The following PRDX3 variants were observed in gnomAD, a reference collection of about 807,000 sequenced individuals.
The protein encoded by PRDX3 is thioredoxin-dependent peroxide reductase, mitochondrial.
In PRDX3, 20 loss-of-function variants were observed where a neutral mutation model predicts 30.4. The ratio of observed to expected loss-of-function variants is 0.66; its 90% confidence interval spans 0.46 to 0.96. The LOEUF is 0.96. PRDX3 is among the 40% of genes least tolerant of loss of function. The pLI is 0.00. For synonymous variants in PRDX3, 124 were observed against 117.8 expected (o/e 1.05, Z -0.34); for missense variants, 322 against 318.3 (o/e 1.01, Z -0.09).
intron 4 of PRDX3, among the ~76,000 whole-genome samples, chr10:119,172,826 T>A (rs1472023320): frequency 6.6e-6 from 1 of 152,220 alleles, no homozygotes; most frequent in Non-Finnish European, 1.5e-5. Flanking sequence ...AATGCAGTGA[T>A]GCAATCACAG....
At chr10:119,172,265 C>T in intron 5 of PRDX3, 117 bp downstream of exon 5, 1 of 873,920 alleles carries the variant, frequency 1.1e-6, no homozygotes, top group Non-Finnish European at 1.8e-6. Context: ...CCACCATGCC[C>T]AGCCAGGATC....
At chr10:119,176,170 G>A (rs1214402815) in intron 2 of PRDX3, among the ~76,000 whole-genome samples, 1 of 152,164 alleles carries the variant, frequency 6.6e-6, no homozygotes, top group African/African-American at 2.4e-5. Context: ...TGTCAAAACT[G>A]AAAAGGACTT....
At chr10:119,178,595 T>C (rs933545347) in intron 1 of PRDX3, among the ~76,000 whole-genome samples, 160 bp downstream of exon 1, 7 of 152,182 alleles carry the variant, frequency 4.6e-5, no homozygotes, top group African/African-American at 1.7e-4. Context: ...CGCAGGCGCA[T>C]GGAACCTTCC....
chr10:119,171,538 G>A (rs1415095465), intron 5 of PRDX3, among the ~76,000 whole-genome samples: 1 of 152,188 alleles, frequency 6.6e-6, no homozygotes, highest in African/African-American at 2.4e-5. Flanking sequence ...TGAATGTGGG[G>A]CTGCTGAGGA....
At position 119,175,756 on chromosome 10, in the gene PRDX3, GA is replaced by G. The variant is rs1483066495; in HGVS notation, c.170-1165del. Among the ~76,000 whole-genome samples, 9 of 147,502 alleles carry G rather than the reference GA, an allele frequency of 6.1e-5. No homozygotes were observed. In the East Asian group the frequency reaches 1.9e-3, roughly 30 times the overall value. ...GGGAAAGAGGAGCAGGAGGAAGGGG[GA>G]GACATGTTAGGAGGTGGTTTCAGTG... On this transcript the variant is annotated intron_variant, in intron 2 of 6. Transcript: ENST00000298510.
chr10:119,178,728 G>A (rs756035140), intron 1 of PRDX3, 27 bp downstream of exon 1: 70 of 1,550,744 alleles, frequency 4.5e-5, no homozygotes, highest in South Asian at 9.5e-5. Context: ...GTGTCTCCAC[G>A]CCTGTCCCCA....
In PRDX3 at chr10:119,168,408, T is replaced by A; in HGVS notation, c.*72A>T. Reference sequence around the variant, plus strand: ...CCTTGCCTTCTACAAATAACCATCTTGAAAATGATAAAAGCAGGTTTCAAC... The same window carrying A: ...CCTTGCCTTCTACAAATAACCATCTAGAAAATGATAAAAGCAGGTTTCAAC... On this transcript the variant is annotated 3_prime_UTR_variant, in exon 7 of 7. Coordinates refer to ENST00000298510, the MANE Select transcript of PRDX3 (RefSeq NM_006793.5). 1 of 1,603,984 alleles carries A rather than the reference T, an allele frequency of 6.2e-7. No individual in the cohort carries two copies. Among genetic ancestry groups the A allele is most frequent in the South Asian group, 1.1e-5 (1 of 89,536 alleles).
At chr10:119,178,494 T>G (rs1848097892) in intron 1 of PRDX3, among the ~76,000 whole-genome samples, 1 of 152,082 alleles carries the variant, frequency 6.6e-6, no homozygotes, top group African/African-American at 2.4e-5. Context: ...GCCAGGACCT[T>G]AAGTGGAGAT....
chr10:119,170,218 T>A (rs1847871914), intron 5 of PRDX3: 2 of 152,214 alleles, frequency 1.3e-5, no homozygotes, highest in Non-Finnish European at 2.9e-5. Flanking sequence ...CAGGTATCAA[T>A]CACTCATGGA....
Position 119,169,265 on chromosome 10 carries a change from T to G in PRDX3, c.629A>C (p.Glu210Ala). 1 of 1,613,974 alleles carries G rather than the reference T, an allele frequency of 6.2e-7. No homozygotes were observed. Among genetic ancestry groups the G allele is most frequent in the South Asian group, 1.1e-5 (1 of 91,070 alleles). The stretch of plus-strand genomic sequence containing the variant: ...CGCCTTCACCAAGCGGAGGGTTTCT[T>G]CCACGCTTCGGCCCACTGGGAGATC... ...VNDLPVGRSVEETLRLVKAFQ... is the reference protein window; with the variant it reads ...VNDLPVGRSVAETLRLVKAFQ... The change falls in exon 6 of 7, where the codon GAA (glutamate) becomes GCA (alanine). Residue 210 changes from glutamate to alanine, a missense_variant. Physicochemically the swap from Glu to Ala is moderately radical, Grantham distance 107. Coordinates refer to ENST00000298510, the MANE Select transcript of PRDX3 (RefSeq NM_006793.5).
In PRDX3 at chr10:119,168,388, C is replaced by A. The variant is rs1847816722; in HGVS notation, c.*92G>T. On this transcript the variant is annotated 3_prime_UTR_variant, in exon 7 of 7. Coordinates refer to ENST00000298510, the MANE Select transcript of PRDX3 (RefSeq NM_006793.5). Reference sequence around the variant, plus strand: ...GAATACAAGCATAATTGGTTCCTTGCCTTCTACAAATAACCATCTTGAAAA... The same window carrying A: ...GAATACAAGCATAATTGGTTCCTTGACTTCTACAAATAACCATCTTGAAAA... The A allele has an allele frequency of 1.3e-6, 2 of 1,586,938 alleles. No individual in the cohort carries two copies. Among genetic ancestry groups the A allele is most frequent in the Non-Finnish European group, 1.7e-6 (2 of 1,170,940 alleles).
rs112021391 is a variant in PRDX3 at position 119,177,713 on chromosome 10, A to AG, written c.37-561dup. ...TAAAGCAACACAGGGTTCAGAAGCCAGGGGACTTGTGCAGGCTTTTCCCAG... is the reference window on the plus strand; with the variant it reads ...TAAAGCAACACAGGGTTCAGAAGCCAGGGGGACTTGTGCAGGCTTTTCCCAG... On this transcript the variant is annotated intron_variant, in intron 1 of 6. Coordinates refer to ENST00000298510, the MANE Select transcript of PRDX3 (RefSeq NM_006793.5). 9.3e-3 allele frequency among the ~76,000 whole-genome samples: 1,378 copies of AG among 148,552 alleles called. 35 individuals carry two copies. Among genetic ancestry groups the AG allele is most frequent in the African/African-American group, 0.033 (1,317 of 39,790 alleles).
At chr10:119,176,026 C>T (rs1189588008) in intron 2 of PRDX3, among the ~76,000 whole-genome samples, 8 of 151,384 alleles carry the variant, frequency 5.3e-5, no homozygotes, top group South Asian at 2.1e-4. Flanking sequence ...TCAAGTAATT[C>T]GCCTGCCTTG....
In PRDX3 at chr10:119,176,647, A is replaced by G. The variant is rs371344693; in HGVS notation, c.169+374T>C. Among the ~76,000 whole-genome samples, 177 of 152,332 alleles carry G rather than the reference A, an allele frequency of 1.2e-3. 2 individuals carry two copies. The highest frequency in any genetic ancestry group is 4.1e-3 in the African/African-American group (169 of 41,568). On this transcript the variant is annotated intron_variant, in intron 2 of 6. Transcript: ENST00000298510. Reference sequence around the variant, plus strand: ...ATTACACAGGTTTGAATCTTAGAGCAGCTGCCCTCTCAGGTCCCCCACAGG... The same window carrying G: ...ATTACACAGGTTTGAATCTTAGAGCGGCTGCCCTCTCAGGTCCCCCACAGG...
Position 119,169,322 on chromosome 10 carries a change from G to T in PRDX3, c.572C>A (p.Pro191His), listed in dbSNP as rs1210557128. 1.2e-6 allele frequency: 2 copies of T among 1,613,858 alleles called. No homozygotes were observed. Among genetic ancestry groups the T allele is most frequent in the East Asian group, 4.5e-5 (2 of 44,874 alleles). Residue 191 changes from proline (P) to histidine (H), a missense_variant, in exon 6 of 7, where the codon CCC (proline) becomes CAC (histidine). Transcript: ENST00000298510. Reference sequence around the variant, plus strand: ...GCTCAAATGCTTGATGACTCCATTGGGGTCAATTATGAAGAGACCTCTGCA... The same window carrying T: ...GCTCAAATGCTTGATGACTCCATTGTGGTCAATTATGAAGAGACCTCTGCA... ...LALRGLFIID[P>H]NGVIKHLSVN...
chr10:119,178,738 A>T lies in PRDX3; in HGVS notation c.36+17T>A. The T allele has an allele frequency of 6.4e-7, 1 of 1,551,278 alleles. No individual in the cohort carries two copies. The highest frequency in any genetic ancestry group is 8.7e-7 in the Non-Finnish European group (1 of 1,147,262). ...CACCAGTGTCTCCACGCCTGTCCCC[A>T]GCCGACAGCCACTCACCGACGCTCG... On this transcript the variant is annotated intron_variant, in intron 1 of 6. Coordinates refer to ENST00000298510, the MANE Select transcript of PRDX3 (RefSeq NM_006793.5).
At chr10:119,175,338 G>T (rs1848001416) in intron 2 of PRDX3, among the ~76,000 whole-genome samples, 1 of 152,204 alleles carries the variant, frequency 6.6e-6, no homozygotes. Flanking sequence ...AGGCAGGAAT[G>T]GTTGAAGGCC....
At position 119,178,766 on chromosome 10, in the gene PRDX3, G is replaced by C. The variant is rs1369745595; in HGVS notation, c.25C>G (p.Leu9Val). The C allele has an allele frequency of 6.4e-7, 1 of 1,552,728 alleles. No individual in the cohort carries two copies. The highest frequency in any genetic ancestry group is 1.4e-5 in the African/African-American group (1 of 73,140). MAAAVGRL[L>V]RASVARHVSA... is the part of the protein sequence containing the mutation. ...CGACAGCCACTCACCGACGCTCGGAGCAACCGTCCTACAGCAGCCGCCATC... is the reference window on the plus strand; with the variant it reads ...CGACAGCCACTCACCGACGCTCGGACCAACCGTCCTACAGCAGCCGCCATC... Residue 9 changes from leucine to valine, a missense_variant, in exon 1 of 7, where the codon CTC becomes GTC. Transcript: ENST00000298510.
chr10:119,174,454 T>C lies in PRDX3; in HGVS notation c.308A>G (p.Asp103Gly). The C allele has an allele frequency of 1.3e-6, 2 of 1,594,418 alleles. No homozygotes were observed. The highest frequency in any genetic ancestry group is 2.3e-5 in the South Asian group (2 of 87,226). Reference sequence around the variant, plus strand: ...GCATCATAGAAATTACACTTACAAATCCAAAGGATAGAAGAAAAGCACCAA... The same window carrying C: ...GCATCATAGAAATTACACTTACAAACCCAAAGGATAGAAGAAAAGCACCAA... ...KYLVLFFYPL[D>G]FTFVCPTEIV... The change falls in exon 3 of 7, where the codon GAT (aspartate) becomes GGT (glycine). Residue 103 changes from aspartate (D) to glycine (G), a missense_variant. Physicochemically the swap from Asp to Gly is moderately conservative, Grantham distance 94. Transcript: ENST00000298510.
Sources: allele counts gnomAD v4.1 joint callset (sites outside exome capture counted in the v4.1 genomes callset), GRCh38; gene constraint gnomAD v4.1.1; transcripts MANE v1.5; gene names NCBI Gene and HGNC (gene_info 2026-07-23, HGNC 2026-07-21).